TRMT5: variants seen among roughly 807,000 people sequenced by gnomAD.
The protein encoded by TRMT5 is tRNA (guanine(37)-N(1))-methyltransferase.
A neutral mutation model predicts 42.2 loss-of-function variants in TRMT5; 31 were observed. That is an observed-to-expected ratio of 0.73 (90% CI 0.55 to 0.99). The LOEUF (loss-of-function observed/expected upper bound fraction) is 0.99, where lower values mean the gene tolerates loss of function less well. Among genes scored for constraint, TRMT5 ranks in the 50% least tolerant of loss-of-function variants. The probability of loss-of-function intolerance (pLI) is 0.00; values close to 1 mark genes in which losing one functional copy is unlikely to be tolerated. For missense variants in TRMT5, 568 were observed against 595.0 expected (o/e 0.95, Z 0.47); for synonymous variants, 198 against 209.6 (o/e 0.94, Z 0.48).
rs2036839330 is a variant in TRMT5, at chr14:60,975,834, C to T, written c.1085G>A (p.Gly362Glu). Residue 362 changes from glycine to glutamate, a missense_variant, in exon 4 of 5, where the codon GGA becomes GAA. Physicochemically the swap from Gly to Glu is moderately conservative, Grantham distance 98 (BLOSUM62 -2). Transcript: ENST00000261249. ...CTGCATTAACTCTTCTTTGACTGGT[C>T]CTTGGAGGAAGTCTTTCCCATCCAA... ...FNLDGKDFLQ[G>E]PVKEELMQLL... 3 of 1,614,158 alleles carry T rather than the reference C, an allele frequency of 1.9e-6. No individual in the cohort carries two copies. Among genetic ancestry groups the T allele is most frequent in the East Asian group, 2.2e-5 (1 of 44,890 alleles).
chr14:60,977,512 A>T lies in TRMT5; in HGVS notation c.792+2T>A. The T allele has an allele frequency of 6.2e-7, 1 of 1,601,704 alleles. No individual in the cohort carries two copies. The highest frequency in any genetic ancestry group is 1.3e-5 in the African/African-American group (1 of 74,404). On this transcript the variant is annotated splice_donor_variant, in intron 3 of 4. Transcript: ENST00000261249. LOFTEE classifies it high-confidence loss of function. ...ACCTTACTTGGAGATAATAAAATATACCTTTGTCATCATGTTCTGCTCTCC... is the reference window on the plus strand; with the variant it reads ...ACCTTACTTGGAGATAATAAAATATTCCTTTGTCATCATGTTCTGCTCTCC...
chr14:60,978,254 T>A (rs150578504), intron 2 of TRMT5, among the ~76,000 whole-genome samples: 1 of 152,242 alleles, frequency 6.6e-6, no homozygotes, highest in Admixed American at 6.5e-5. Flanking sequence ...TTTTTTTAGT[T>A]AGCACTTTAA....
upstream of TRMT5, chr14:60,981,148 C>G: frequency 6.5e-7 from 1 of 1,543,812 alleles, no homozygotes; most frequent in Non-Finnish European, 8.7e-7. Flanking sequence ...CCTCTCCTTC[C>G]AGGCCCTGGT....
At position 60,977,580 on chromosome 14, in the gene TRMT5, A is replaced by G; in HGVS notation, c.726T>C (p.Asn242=). The G allele has an allele frequency of 6.2e-7, 1 of 1,611,002 alleles. No individual in the cohort carries two copies. The highest frequency in any genetic ancestry group is 1.1e-5 in the South Asian group (1 of 90,590). Residue 242 remains asparagine, a synonymous_variant, in exon 3 of 5, where the codon AAT becomes AAC. Coordinates refer to ENST00000261249, the MANE Select transcript of TRMT5 (RefSeq NM_020810.3). ...GITSAVNKIN[N]IDNMYRNFQM... is the part of the protein sequence containing the mutation. ...GGAAATTTCGGTACATATTGTCAATATTATTTATTTTATTTACTGCTGAGG... is the reference window on the plus strand; with the variant it reads ...GGAAATTTCGGTACATATTGTCAATGTTATTTATTTTATTTACTGCTGAGG...
intron 1 of TRMT5, among the ~76,000 whole-genome samples, chr14:60,980,546 G>A (rs1370355127): frequency 6.6e-6 from 1 of 152,158 alleles, no homozygotes; most frequent in Non-Finnish European, 1.5e-5. Context: ...CCTTTAACTA[G>A]AGGCTTCTGT....
At chr14:60,979,020 C>T (rs921401668) in intron 2 of TRMT5, among the ~76,000 whole-genome samples, 7 of 152,224 alleles carry the variant, frequency 4.6e-5, no homozygotes, top group Non-Finnish European at 1.0e-4. Flanking sequence ...TACACAAAAG[C>T]CTGGACCAGT....
chr14:60,981,046 A>T lies in TRMT5; in HGVS notation c.-73T>A, dbSNP rs752456758. ...CACCTCCCGCTCCGGTACCGATCGG[A>T]TGTGGGTCGCGGGTGGATGGGCGGG... is the stretch of plus-strand genomic sequence containing the variant. On this transcript the variant is annotated 5_prime_UTR_variant, in exon 1 of 5. Coordinates refer to ENST00000261249, the MANE Select transcript of TRMT5 (RefSeq NM_020810.3). 1.9e-6 allele frequency: 3 copies of T among 1,609,164 alleles called. No individual in the cohort carries two copies. Among genetic ancestry groups the T allele is most frequent in the South Asian group, 2.2e-5 (2 of 91,068 alleles).
In TRMT5 at chr14:60,972,612, A is replaced by G. The variant is rs2036792386; in HGVS notation, c.*2497T>C. The G allele has an allele frequency of 6.1e-6, 2 of 326,490 alleles. No individual in the cohort carries two copies. Among genetic ancestry groups the G allele is most frequent in the Non-Finnish European group, 1.2e-5 (2 of 167,958 alleles). The allele number at this position is 326,490 out of a possible 1,614,324, so 20.2% of individuals were successfully genotyped here. ...ATTGACAAAATTCAAAATATAGCCC[A>G]ATTTTTTGTAATGCCTTTTTTGGTG... On this transcript the variant is annotated 3_prime_UTR_variant, in exon 5 of 5. Transcript: ENST00000261249.
In TRMT5 at chr14:60,975,597, A is replaced by G; in HGVS notation, c.1322T>C (p.Ile441Thr). Residue 441 changes from isoleucine to threonine, a missense_variant, in exon 4 of 5, where the codon ATT (isoleucine) becomes ACT (threonine). Transcript: ENST00000261249. ...AACTGAACTGCATGCCTCCAGAGAA[A>G]TGCCTAACACAGCTCCAGCCCTTTG... The part of the protein sequence containing the change: ...VRQRAGAVLG[I>T]SLEACSSVHL... 1 of 1,614,192 alleles carries G rather than the reference A, an allele frequency of 6.2e-7. No individual in the cohort carries two copies. The highest frequency in any genetic ancestry group is 8.5e-7 in the Non-Finnish European group (1 of 1,180,016).
Position 60,979,771 on chromosome 14 carries a change from A to C in TRMT5, c.127T>G (p.Leu43Val). The change falls in exon 2 of 5, where the codon TTG becomes GTG. Residue 43 changes from leucine to valine, a missense_variant. Physicochemically the swap from Leu to Val is conservative, Grantham distance 32. Coordinates refer to ENST00000261249, the MANE Select transcript of TRMT5 (RefSeq NM_020810.3). ...VAWTSLTQML[L>V]EAPGIFLLGQ... ...AATAAGAAAATACCAGGTGCTTCCA[A>C]AAGCATCTGTGTCAGGGATGTCCAA... is the stretch of plus-strand genomic sequence containing the variant. 1.1e-5 allele frequency: 17 copies of C among 1,614,086 alleles called. No individual in the cohort carries two copies. The highest frequency in any genetic ancestry group is 1.4e-5 in the Non-Finnish European group (17 of 1,180,014).
rs1212269745 is a variant in TRMT5, at chr14:60,971,669, G to T, written c.*3440C>A. 5.8e-6 allele frequency: 1 copy of T among 172,002 alleles called. No individual in the cohort carries two copies. The highest frequency in any genetic ancestry group is 1.2e-5 in the Non-Finnish European group (1 of 81,846). 10.7% of individuals were successfully genotyped at this position (172,002 alleles called of 1,614,324 possible). A position where few individuals can be genotyped will look rare whatever the true frequency, so the allele number is the denominator to read the frequency against. On this transcript the variant is annotated 3_prime_UTR_variant, in exon 5 of 5. Transcript: ENST00000261249. ...GTTAACATTTCACATTTAGCATGTTGTTTAACAACTTTTCACAAGCCAACC... is the reference window on the plus strand; with the variant it reads ...GTTAACATTTCACATTTAGCATGTTTTTTAACAACTTTTCACAAGCCAACC...
Position 60,972,296 on chromosome 14 carries a change from CT to C in TRMT5, c.*2812del. On this transcript the variant is annotated 3_prime_UTR_variant, in exon 5 of 5. Transcript: ENST00000261249. Reference sequence around the variant, plus strand: ...GCTCCTTGCCAGCATCAGCTTTTCTCTTTTTCCCTTTGGGTACCTTCTCTCC... The same window carrying C: ...GCTCCTTGCCAGCATCAGCTTTTCTCTTTTCCCTTTGGGTACCTTCTCTCC... 1.9e-6 allele frequency: 1 copy of C among 537,262 alleles called. No individual in the cohort carries two copies. 33.3% of individuals were successfully genotyped at this position (537,262 alleles called of 1,614,324 possible). A position where few individuals can be genotyped will look rare whatever the true frequency, so the allele number is the denominator to read the frequency against.
chr14:60,976,095 T>C lies in TRMT5; in HGVS notation c.824A>G (p.Asp275Gly), dbSNP rs753089561. The change falls in exon 4 of 5, where the codon GAT becomes GGT. Residue 275 changes from aspartate (D) to glycine (G), a missense_variant. Coordinates refer to ENST00000261249, the MANE Select transcript of TRMT5 (RefSeq NM_020810.3). ...VRENNYTYEFDFSKVYWNPRL... is the reference protein window; with the variant it reads ...VRENNYTYEFGFSKVYWNPRL... ...AGGATTCCAATAGACTTTTGAAAAA[T>C]CAAATTCATAGGTGTAGTTGTTTTC... 3.7e-6 allele frequency: 6 copies of C among 1,610,294 alleles called. No homozygotes were observed. The highest frequency in any genetic ancestry group is 1.7e-6 in the Non-Finnish European group (2 of 1,178,508).
chr14:60,975,792 T>A lies in TRMT5; in HGVS notation c.1127A>T (p.Lys376Ile), dbSNP rs1452998907. Residue 376 changes from lysine (K) to isoleucine (I), a missense_variant, in exon 4 of 5, where the codon AAA becomes ATA. Transcript: ENST00000261249. ...EELMQLLGLS[K>I]ERKPSVHVVM... Reference sequence around the variant, plus strand: ...AACGTGCACAGAGGGTTTTCTTTCTTTTGACAGACCCAGCAGCTGCATTAA... The same window carrying A: ...AACGTGCACAGAGGGTTTTCTTTCTATTGACAGACCCAGCAGCTGCATTAA... The A allele has an allele frequency of 1.9e-6, 3 of 1,614,108 alleles. No homozygotes were observed. The African/African-American group carries it at 4.0e-5, about 22-fold the overall frequency.
chr14:60,981,655 G>C (rs749563236), upstream of TRMT5: 3 of 1,432,010 alleles, frequency 2.1e-6, no homozygotes, highest in African/African-American at 2.8e-5. Flanking sequence ...AACATGATGG[G>C]ATGAGCGGCC....
rs147780353 is a variant in TRMT5 at position 60,980,975 on chromosome 14, C to G, written c.-2G>C. The G allele has an allele frequency of 1.2e-6, 2 of 1,612,110 alleles. No individual in the cohort carries two copies. The highest frequency in any genetic ancestry group is 2.2e-5 in the East Asian group (1 of 44,872). On this transcript the variant is annotated 5_prime_UTR_variant, in exon 1 of 5. Transcript: ENST00000261249. ...GCCGCCACCTCACCAAAGCACCATT[C>G]CAATTCCCCACGTCGCTCTGCAGCT...
chr14:60,981,231 A>G (rs1396829287), upstream of TRMT5: 6 of 1,564,140 alleles, frequency 3.8e-6, no homozygotes, highest in African/African-American at 4.1e-5. Context: ...AGCGCAGGGC[A>G]GGGGTAGAGG....
Position 60,971,832 on chromosome 14 carries a change from C to A in TRMT5, c.*3277G>T. The A allele has an allele frequency of 5.9e-6, 1 of 169,592 alleles. No homozygotes were observed. Among genetic ancestry groups the A allele is most frequent in the Non-Finnish European group, 1.2e-5 (1 of 80,132 alleles). The allele number at this position is 169,592 out of a possible 1,614,324, so 10.5% of individuals were successfully genotyped here. ...TCCAGATTGCCAGACACACTGGTAA[C>A]CAATGACCGGGGGTCAGGTCCCAAC... On this transcript the variant is annotated 3_prime_UTR_variant, in exon 5 of 5. Transcript: ENST00000261249.
rs1417392090 is a variant in TRMT5, at chr14:60,979,292, C to G, written c.606G>C (p.Arg202Ser). 4.3e-6 allele frequency: 7 copies of G among 1,613,914 alleles called. No individual in the cohort carries two copies. The South Asian group carries it at 6.6e-5, about 15-fold the overall frequency. ...GGTTTAGGTGTGCAATATGTCCAAT[C>G]CTGCTAAACCCTGAAGTTACATCTT... ...EGQDVTSGFS[R>S]IGHIAHLNLR... Residue 202 changes from arginine (R) to serine (S), a missense_variant, in exon 2 of 5, where the codon AGG becomes AGC. Arg to Ser is a moderately radical substitution (Grantham distance 110). Coordinates refer to ENST00000261249, the MANE Select transcript of TRMT5 (RefSeq NM_020810.3).
Sources: gnomAD v4.1 joint callset for allele counts (sites outside exome capture counted in the v4.1 genomes callset) on GRCh38, gnomAD v4.1.1 for gene constraint, MANE v1.5 for transcripts, NCBI Gene and HGNC (gene_info 2026-07-23, HGNC 2026-07-21) for gene names.